Variants in ANK3 observed in about 807,000 individuals in gnomAD.
ANK3 encodes the protein ankyrin 3.
Under a neutral mutation model 370.9 loss-of-function variants are expected in ANK3, and 57 were observed. That is an observed-to-expected ratio of 0.15 (90% CI 0.12 to 0.19). The LOEUF (loss-of-function observed/expected upper bound fraction) is 0.19, where lower values mean the gene tolerates loss of function less well. Ranked by LOEUF, ANK3 falls within the 10% of genes least tolerant of loss-of-function variation. The pLI, the probability that ANK3 is intolerant of heterozygous loss-of-function variation, is 1.00. For missense variants in ANK3, 4,439 were observed against 5,302.1 expected (o/e 0.84, Z 5.06); for synonymous variants, 1,929 against 1,946.3 (o/e 0.99, Z 0.23).
chr10:60,707,287 C>A (rs751805059), intron 1 of ANK3, among the ~76,000 whole-genome samples: 25 of 152,178 alleles, frequency 1.6e-4, no homozygotes, highest in African/African-American at 4.8e-4. Flanking sequence ...CAATATGAAA[C>A]CTTACATCAA....
intron 1 of ANK3, among the ~76,000 whole-genome samples, chr10:60,723,324 G>A (rs1249376253): frequency 6.6e-6 from 1 of 152,094 alleles, no homozygotes; most frequent in African/African-American, 2.4e-5. Context: ...TTTCATTTGT[G>A]GAGAAAACCA....
chr10:60,278,851 T>C lies in ANK3; in HGVS notation c.337A>G (p.Ile113Val), dbSNP rs2098125130. The change falls in exon 4 of 44, where the codon ATC (isoleucine) becomes GTC (valine). Residue 113 changes from isoleucine (I) to valine (V), a missense_variant. Coordinates refer to ENST00000280772, the MANE Select transcript of ANK3 (RefSeq NM_020987.5). ...ATKKGNTALH[I>V]ASLAGQAEVV... is the part of the protein sequence containing the mutation. ...TCTGCTTGCCCAGCCAAAGATGCGATGTGCAATGCTGTGTTTCCTTTCTGT... is the reference window on the plus strand; with the variant it reads ...TCTGCTTGCCCAGCCAAAGATGCGACGTGCAATGCTGTGTTTCCTTTCTGT... 3 of 1,613,992 alleles carry C rather than the reference T, an allele frequency of 1.9e-6. No homozygotes were observed. The highest frequency in any genetic ancestry group is 1.1e-5 in the South Asian group (1 of 91,080).
chr10:60,087,874 T>A (rs543547829), intron 29 of ANK3, among the ~76,000 whole-genome samples: 5 of 152,222 alleles, frequency 3.3e-5, no homozygotes, highest in Admixed American at 6.5e-5. Context: ...TTGTTCCACA[T>A]ACTGAGACCA....
chr10:60,602,580 C>T (rs1595341001), intron 2 of ANK3, among the ~76,000 whole-genome samples: 1 of 152,008 alleles, frequency 6.6e-6, no homozygotes, highest in Non-Finnish European at 1.5e-5. Flanking sequence ...TCAATGGGGC[C>T]CATGTAATCA....
chr10:60,398,777 G>T (rs1239851774), intron 2 of ANK3, among the ~76,000 whole-genome samples: 1 of 152,126 alleles, frequency 6.6e-6, no homozygotes, highest in African/African-American at 2.4e-5. Context: ...AGTAGTACAG[G>T]TGATTGCATA....
At chr10:60,152,392 A>T (rs2095171365) in intron 23 of ANK3, among the ~76,000 whole-genome samples, 2 of 152,220 alleles carry the variant, frequency 1.3e-5, no homozygotes, top group African/African-American at 4.8e-5. Context: ...TATGGACTAA[A>T]CATTCAAAAA....
chr10:60,184,113 A>G (rs2096267751), intron 17 of ANK3, among the ~76,000 whole-genome samples: 1 of 152,188 alleles, frequency 6.6e-6, no homozygotes, highest in Non-Finnish European at 1.5e-5. Flanking sequence ...GAAAAAAGAA[A>G]GTAAAAACAA....
chr10:60,723,568 T>C (rs1336542687), intron 1 of ANK3, among the ~76,000 whole-genome samples: 3 of 152,128 alleles, frequency 2.0e-5, no homozygotes, highest in Non-Finnish European at 4.4e-5. Flanking sequence ...ATCATTAAAA[T>C]AATTGGGTGA....
At chr10:60,518,253 T>G (rs2076268542) in intron 2 of ANK3, among the ~76,000 whole-genome samples, 1 of 152,042 alleles carries the variant, frequency 6.6e-6, no homozygotes, top group South Asian at 2.1e-4. Context: ...GATGACATGG[T>G]GCATATCAGC....
At chr10:60,545,992 G>T (rs777031322) in intron 2 of ANK3, among the ~76,000 whole-genome samples, 22 of 152,280 alleles carry the variant, frequency 1.4e-4, no homozygotes, top group South Asian at 1.0e-3. Flanking sequence ...AGACTCCTCT[G>T]CAGAAGGCAA....
chr10:60,067,182 G>C (rs1427236639), intron 38 of ANK3, among the ~76,000 whole-genome samples: 1 of 151,690 alleles, frequency 6.6e-6, no homozygotes, highest in Non-Finnish European at 1.5e-5. Context: ...CACAGTACTG[G>C]GATTACAGGC....
At chr10:60,420,752 G>A (rs1316367586) in intron 2 of ANK3, among the ~76,000 whole-genome samples, 2 of 152,028 alleles carry the variant, frequency 1.3e-5, no homozygotes, top group African/African-American at 2.4e-5. Flanking sequence ...AGGAAGAAAA[G>A]GAGAGATCCC....
At chr10:60,228,747 TA>T (rs906700462) in intron 8 of ANK3, among the ~76,000 whole-genome samples, 15 of 151,434 alleles carry the variant, frequency 9.9e-5, no homozygotes, top group Admixed American at 3.3e-4. Context: ...TAGAGCTATT[TA>T]AAAAAAAATT....
chr10:60,719,049 T>C (rs2079827808), intron 1 of ANK3, among the ~76,000 whole-genome samples: 2 of 152,168 alleles, frequency 1.3e-5, no homozygotes, highest in Admixed American at 1.3e-4. Flanking sequence ...ACCAAATCCT[T>C]GAACGGCCTC....
At chr10:60,047,759 T>C (rs1262325852) in intron 42 of ANK3, among the ~76,000 whole-genome samples, 2 of 152,226 alleles carry the variant, frequency 1.3e-5, no homozygotes, top group Non-Finnish European at 2.9e-5. Flanking sequence ...AGTTTGGTTG[T>C]GTGTTGGTTT....
intron 2 of ANK3, among the ~76,000 whole-genome samples, chr10:60,470,139 G>A (rs544418575): frequency 2.0e-5 from 3 of 151,996 alleles, no homozygotes; most frequent in South Asian, 2.1e-4. Context: ...CCAGCTAGTC[G>A]AATCAGAAAA....
chr10:60,564,060 A>C (rs1190277842), intron 2 of ANK3, among the ~76,000 whole-genome samples: 4 of 152,230 alleles, frequency 2.6e-5, no homozygotes, highest in Non-Finnish European at 5.9e-5. Context: ...GTTCAAAAAA[A>C]ATCATTTCAA....
intron 2 of ANK3, among the ~76,000 whole-genome samples, chr10:60,413,104 C>T (rs1253003529): frequency 1.3e-5 from 2 of 152,202 alleles, no homozygotes; most frequent in Non-Finnish European, 2.9e-5. Context: ...TTCTATGACA[C>T]TAATATTGAG....
At chr10:60,302,105 T>G (rs573445461) in intron 1 of ANK3, among the ~76,000 whole-genome samples, 4 of 152,162 alleles carry the variant, frequency 2.6e-5, no homozygotes, top group Admixed American at 6.5e-5. Flanking sequence ...AAAATCCCTA[T>G]TTTTTATGAA....
Sources: allele counts gnomAD v4.1 joint callset (sites outside exome capture counted in the v4.1 genomes callset), GRCh38; gene constraint gnomAD v4.1.1; transcripts MANE v1.5; gene names NCBI Gene and HGNC (gene_info 2026-07-23, HGNC 2026-07-21).